Variants in XYLT1 observed in about 807,000 individuals in gnomAD.
The protein encoded by XYLT1 is beta-D-xylosyltransferase 1.
A neutral mutation model predicts 91.3 loss-of-function variants in XYLT1; 36 were observed. That is an observed-to-expected ratio of 0.39 (90% CI 0.30 to 0.52). The LOEUF (loss-of-function observed/expected upper bound fraction) is 0.52, where lower values mean the gene tolerates loss of function less well. XYLT1 is among the 20% of genes least tolerant of loss of function. The pLI is 0.68. For synonymous variants in XYLT1, 588 were observed against 532.0 expected, an observed-to-expected ratio of 1.11 and a Z score of -1.45; for missense variants, 1,242 against 1,284.5, an observed-to-expected ratio of 0.97 and a Z score of 0.51.
At chr16:17,269,799 T>G (rs1242623696) in intron 2 of XYLT1, among the ~76,000 whole-genome samples, 1 of 148,422 alleles carries the variant, frequency 6.7e-6, no homozygotes, top group East Asian at 2.0e-4. Context: ...CCCTTTATTA[T>G]TATTATTATT....
intron 2 of XYLT1, among the ~76,000 whole-genome samples, chr16:17,318,265 G>A (rs539944154): frequency 6.3e-4 from 96 of 152,282 alleles, no homozygotes; most frequent in African/African-American, 1.9e-3. Context: ...CTCCAAAGCC[G>A]GGGCTCTTAA....
intron 2 of XYLT1, among the ~76,000 whole-genome samples, chr16:17,295,125 G>C (rs757896849): frequency 2.6e-5 from 4 of 152,120 alleles, no homozygotes; most frequent in Non-Finnish European, 4.4e-5. Flanking sequence ...ACTCCCAGTG[G>C]GTAAGTGAGC....
intron 3 of XYLT1, among the ~76,000 whole-genome samples, chr16:17,207,408 T>G (rs1326054652): frequency 6.6e-6 from 1 of 152,136 alleles, no homozygotes; most frequent in Admixed American, 6.5e-5. Context: ...TGAGCCAAGG[T>G]CATGCTCTTA....
Position 17,366,602 on chromosome 16 carries a change from C to T in XYLT1, c.364-8552G>A, listed in dbSNP as rs376430873. ...CCCAGCTACCCAGGAGGCTGAGGCA[C>T]GAGAACAGCTTGAACCCTGGCGGCA... On this transcript the variant is annotated intron_variant, in intron 1 of 11. Coordinates refer to ENST00000261381, the MANE Select transcript of XYLT1 (RefSeq NM_022166.4). Among the ~76,000 whole-genome samples, 379 of 152,126 alleles carry T rather than the reference C, an allele frequency of 2.5e-3. 9 individuals carry two copies. The highest frequency in any genetic ancestry group is 0.013 in the South Asian group (61 of 4,816).
intron 3 of XYLT1, among the ~76,000 whole-genome samples, chr16:17,234,862 T>C (rs1193824382): frequency 4.6e-5 from 7 of 152,134 alleles, no homozygotes; most frequent in Non-Finnish European, 7.4e-5. Context: ...TATTATCCTA[T>C]CATAATAAAA....
chr16:17,198,934 G>C (rs1214923985), intron 4 of XYLT1, among the ~76,000 whole-genome samples: 1 of 152,104 alleles, frequency 6.6e-6, no homozygotes, highest in African/African-American at 2.4e-5. Context: ...AGTAGAGATG[G>C]GGCTTCACCA....
intron 2 of XYLT1, 23 bp from the exon 3 acceptor site, chr16:17,259,521 A>C: frequency 6.3e-7 from 1 of 1,595,844 alleles, no homozygotes; most frequent in South Asian, 1.1e-5. Flanking sequence ...GGAGAGAAAC[A>C]GAAGAGAAAC....
chr16:17,259,868 G>A (rs1445625785), intron 2 of XYLT1, among the ~76,000 whole-genome samples: 1 of 152,098 alleles, frequency 6.6e-6, no homozygotes, highest in African/African-American at 2.4e-5. Context: ...GTGCTGTGAT[G>A]GTTTACTTAA....
chr16:17,448,604 CA>C (rs1311987630), intron 1 of XYLT1, among the ~76,000 whole-genome samples: 1 of 150,254 alleles, frequency 6.7e-6, no homozygotes, highest in Non-Finnish European at 1.5e-5. Context: ...GTTGACCAGG[CA>C]AATCTCCCTC....
chr16:17,447,707 G>A lies in XYLT1; in HGVS notation c.363+22727C>T, dbSNP rs147439666. On this transcript the variant is annotated intron_variant, in intron 1 of 11. Coordinates refer to ENST00000261381, the MANE Select transcript of XYLT1 (RefSeq NM_022166.4). ...AAAAGAGTTTCAGCCTATGTCGTAA[G>A]ACCCATGGAGGGTGGTTGGATAGCA... Among the ~76,000 whole-genome samples, 37 of 152,342 alleles carry A rather than the reference G, an allele frequency of 2.4e-4. No homozygotes were observed. In the East Asian group the frequency reaches 6.9e-3, roughly 29 times the overall value.
At chr16:17,327,455 C>T (rs955116411) in intron 2 of XYLT1, among the ~76,000 whole-genome samples, 1 of 150,376 alleles carries the variant, frequency 6.6e-6, no homozygotes, top group Non-Finnish European at 1.5e-5. Flanking sequence ...CTCCGCCCCC[C>T]GGGTTCACGC....
At chr16:17,426,332 G>A (rs1368447663) in intron 1 of XYLT1, among the ~76,000 whole-genome samples, 1 of 152,172 alleles carries the variant, frequency 6.6e-6, no homozygotes, top group Admixed American at 6.5e-5. Context: ...GGCCGAGGCA[G>A]ATGGATCACC....
At chr16:17,221,769 T>C (rs902036384) in intron 3 of XYLT1, among the ~76,000 whole-genome samples, 5 of 152,120 alleles carry the variant, frequency 3.3e-5, no homozygotes, top group African/African-American at 1.2e-4. Flanking sequence ...AGGTTTCAGA[T>C]GACTTATAAG....
At chr16:17,140,574 T>C (rs1009277304) in intron 7 of XYLT1, among the ~76,000 whole-genome samples, 1 of 145,782 alleles carries the variant, frequency 6.9e-6, no homozygotes, top group African/African-American at 2.5e-5. Flanking sequence ...GGCAGCAGAA[T>C]TGCTTGAACT....
intron 10 of XYLT1, 60 bp from the exon 11 acceptor site, chr16:17,118,039 A>G: frequency 6.5e-7 from 1 of 1,535,486 alleles, no homozygotes; most frequent in Non-Finnish European, 8.8e-7. Context: ...TAGGTCTCAG[A>G]AAGGTCTAGG....
At chr16:17,417,986 C>A (rs1019435221) in intron 1 of XYLT1, among the ~76,000 whole-genome samples, 1 of 152,184 alleles carries the variant, frequency 6.6e-6, no homozygotes, top group Admixed American at 6.5e-5. Context: ...CTGCCAGGCA[C>A]GTGCATGAGA....
At chr16:17,448,720 A>T (rs1596551561) in intron 1 of XYLT1, among the ~76,000 whole-genome samples, 1 of 84,762 alleles carries the variant, frequency 1.2e-5, no homozygotes, top group African/African-American at 5.7e-5. Context: ...GAGGAGGAAG[A>T]GGGGGAAGGG....
intron 10 of XYLT1, among the ~76,000 whole-genome samples, chr16:17,122,685 C>T (rs888949163): frequency 2.0e-5 from 3 of 152,104 alleles, no homozygotes; most frequent in African/African-American, 7.2e-5. Flanking sequence ...AGGGTTTTTC[C>T]AATTTTATCT....
At chr16:17,315,870 C>G (rs942476178) in intron 2 of XYLT1, among the ~76,000 whole-genome samples, 6 of 152,154 alleles carry the variant, frequency 3.9e-5, no homozygotes, top group African/African-American at 9.7e-5. Flanking sequence ...CTCGGCAAGT[C>G]CCTGGTAGGA....
Sources: gnomAD v4.1 joint callset for allele counts (sites outside exome capture counted in the v4.1 genomes callset) on GRCh38, gnomAD v4.1.1 for gene constraint, MANE v1.5 for transcripts, NCBI Gene and HGNC (gene_info 2026-07-23, HGNC 2026-07-21) for gene names.